The following ACOT11 variants were observed in gnomAD, a reference collection of about 807,000 sequenced individuals.
The protein encoded by ACOT11 is acyl-CoA thioesterase 11.
ACOT11 carries 69 observed loss-of-function variants against 77.5 expected under a neutral mutation model. That is an observed-to-expected ratio of 0.89 (90% confidence interval 0.73 to 1.09). The LOEUF (loss-of-function observed/expected upper bound fraction) is 1.09, where lower values mean the gene tolerates loss of function less well. Ranked by LOEUF, ACOT11 falls within the 50% of genes least tolerant of loss-of-function variation. The pLI, the probability that ACOT11 is intolerant of heterozygous loss-of-function variation, is 0.00. For synonymous variants in ACOT11, 279 were observed against 313.0 expected (o/e 0.89, Z 1.15); for missense variants, 766 against 813.7 (o/e 0.94, Z 0.71).
At chr1:54,557,795 T>C (rs1312714877) in intron 1 of ACOT11, among the ~76,000 whole-genome samples, 2 of 152,178 alleles carry the variant, frequency 1.3e-5, no homozygotes, top group Non-Finnish European at 2.9e-5. Flanking sequence ...GGGTTTTCTA[T>C]ATATAGGATT....
intron 12 of ACOT11, among the ~76,000 whole-genome samples, 193 bp downstream of exon 12, chr1:54,604,622 T>A (rs1424355600): frequency 4.6e-5 from 7 of 152,004 alleles, no homozygotes; most frequent in Non-Finnish European, 1.0e-4. Context: ...ACCCCTAGAT[T>A]CTTCTCTCCT....
Position 54,609,433 on chromosome 1 carries a change from G to A in ACOT11, c.*321G>A, listed in dbSNP as rs1453267903. On this transcript the variant is annotated 3_prime_UTR_variant, in exon 16 of 16. Coordinates refer to ENST00000343744, the MANE Select transcript of ACOT11 (RefSeq NM_147161.4). ...CCACTGTGACGGTGGCCCGGGGGGA[G>A]GATGCCAGCAGCCTGCCTATGGCTC... is the stretch of plus-strand genomic sequence containing the variant. 4 of 1,613,818 alleles carry A rather than the reference G, an allele frequency of 2.5e-6. No homozygotes were observed. The highest frequency in any genetic ancestry group is 3.4e-6 in the Non-Finnish European group (4 of 1,180,018).
Position 54,554,333 on chromosome 1 carries a change from G to GTA in ACOT11, c.33+6009_33+6010dup, listed in dbSNP as rs1553161035. 2.7e-4 allele frequency among the ~76,000 whole-genome samples: 26 copies of GTA among 96,388 alleles called. 1 individual carries two copies. Among genetic ancestry groups the GTA allele is most frequent in the Middle Eastern group, 6.6e-3 (1 of 152 alleles). The allele number at this position is 96,388 out of a possible 152,430, so 63.2% of individuals were successfully genotyped here. ...TGTGTGTGTGTGTGTGTGTGTGTGT[G>GTA]TATATATATATATATATATTTTTTT... On this transcript the variant is annotated intron_variant, in intron 1 of 15. Coordinates refer to ENST00000343744, the MANE Select transcript of ACOT11 (RefSeq NM_147161.4).
In ACOT11 at chr1:54,597,390, G is replaced by A; in HGVS notation, c.739G>A (p.Glu247Lys). The A allele has an allele frequency of 1.2e-6, 2 of 1,613,398 alleles. No individual in the cohort carries two copies. The highest frequency in any genetic ancestry group is 8.5e-7 in the Non-Finnish European group (1 of 1,179,770). Residue 247 changes from glutamate (E) to lysine (K), a missense_variant, in exon 7 of 16, where the codon GAG becomes AAG. Coordinates refer to ENST00000343744, the MANE Select transcript of ACOT11 (RefSeq NM_147161.4). Reference protein sequence around the residue: ...TFGGQIMAWMENVATIAASRL... With the variant: ...TFGGQIMAWMKNVATIAASRL... ...TGGGGGCCAGATCATGGCCTGGATG[G>A]AGAATGTGGCCACCATTGCAGCCAG... is the stretch of plus-strand genomic sequence containing the variant.
At position 54,601,267 on chromosome 1, in the gene ACOT11, A is replaced by G. The variant is rs750443838; in HGVS notation, c.885-2A>G. 1.2e-6 allele frequency: 2 copies of G among 1,609,870 alleles called. No homozygotes were observed. Among genetic ancestry groups the G allele is most frequent in the Admixed American group, 1.7e-5 (1 of 59,958 alleles). On this transcript the variant is annotated splice_acceptor_variant, in intron 8 of 15. Transcript: ENST00000343744. LOFTEE classifies it high-confidence loss of function. ...GTTGGAAGCCACACTCCCTCCCCTC[A>G]GCATGGAGGTGGGCGTGTGCGTGGA...
intron 9 of ACOT11, 115 bp from the exon 10 acceptor site, chr1:54,602,554 A>G: frequency 1.0e-6 from 1 of 1,004,546 alleles, no homozygotes; most frequent in African/African-American, 1.7e-5. Flanking sequence ...CAGCTGCCCC[A>G]GCGACACCTG....
chr1:54,614,880 GC>G (rs1330300527), downstream of ACOT11: 1 of 1,610,108 alleles, frequency 6.2e-7, no homozygotes, highest in East Asian at 2.2e-5. Context: ...AGGAACAAGG[GC>G]TTGGGGAAAT....
Position 54,576,554 on chromosome 1 carries a change from G to A in ACOT11, c.34-8101G>A, listed in dbSNP as rs1050075108. The stretch of plus-strand genomic sequence containing the variant: ...GTAAATATCTCAAAATAGAAACCTT[G>A]AGGTTTTTTTAATGTTAAAGATGTT... On this transcript the variant is annotated intron_variant, in intron 1 of 15. Coordinates refer to ENST00000343744, the MANE Select transcript of ACOT11 (RefSeq NM_147161.4). Among the ~76,000 whole-genome samples, 8 of 143,226 alleles carry A rather than the reference G, an allele frequency of 5.6e-5. 1 individual carries two copies. Among genetic ancestry groups the A allele is most frequent in the Admixed American group, 5.4e-4 (8 of 14,822 alleles). 94.0% of individuals were successfully genotyped at this position (143,226 alleles called of 152,430 possible). A position where few individuals can be genotyped will look rare whatever the true frequency, so the allele number is the denominator to read the frequency against.
At chr1:54,593,023 G>A (rs1253081098) in intron 4 of ACOT11, among the ~76,000 whole-genome samples, 5 of 152,294 alleles carry the variant, frequency 3.3e-5, no homozygotes, top group African/African-American at 1.2e-4. Flanking sequence ...CCCACAGCCC[G>A]TCTCCTCATC....
chr1:54,562,338 CG>C (rs1653544200), intron 1 of ACOT11, among the ~76,000 whole-genome samples: 1 of 96,682 alleles, frequency 1.0e-5, no homozygotes, highest in African/African-American at 5.2e-5. Context: ...ATCTCCCTCC[CG>C]GACGGGGTGG....
chr1:54,574,776 TG>T (rs1429762131), intron 1 of ACOT11, among the ~76,000 whole-genome samples: 1 of 152,176 alleles, frequency 6.6e-6, no homozygotes, highest in African/African-American at 2.4e-5. Flanking sequence ...TCCACATTTC[TG>T]TTTCCCAAAG....
chr1:54,590,316 T>C (rs532292380), intron 3 of ACOT11, among the ~76,000 whole-genome samples: 1 of 150,998 alleles, frequency 6.6e-6, no homozygotes, highest in Non-Finnish European at 1.5e-5. Context: ...TCGATGGGGG[T>C]CAGATTTGTT....
intron 2 of ACOT11, 104 bp from the exon 3 acceptor site, chr1:54,585,731 C>T: frequency 8.5e-7 from 1 of 1,180,524 alleles, no homozygotes; most frequent in Non-Finnish European, 1.2e-6. Flanking sequence ...GAGTTGTGGC[C>T]TTGGCTTGGG....
At chr1:54,612,778 AT>A (rs1644133509), downstream of ACOT11, 5 of 1,206,226 alleles carry the variant, frequency 4.1e-6, no homozygotes, top group Non-Finnish European at 6.1e-6. Context: ...CTGGGGTCTC[AT>A]CACAGTGCTA....
intron 1 of ACOT11, among the ~76,000 whole-genome samples, chr1:54,553,505 T>G (rs904289393): frequency 2.6e-5 from 4 of 151,974 alleles, no homozygotes; most frequent in Admixed American, 2.6e-4. Context: ...CAGGTAATAT[T>G]CTATGTTTTT....
chr1:54,609,307 G>A lies in ACOT11; in HGVS notation c.*195G>A, dbSNP rs766986695. ...CATGAGCCAGCAAGTCCTTGTGGTA[G>A]CCCTGGGGTAGCCTGTAGTAGACTC... On this transcript the variant is annotated 3_prime_UTR_variant, in exon 16 of 16. Coordinates refer to ENST00000343744, the MANE Select transcript of ACOT11 (RefSeq NM_147161.4). 4.3e-6 allele frequency: 7 copies of A among 1,611,406 alleles called. No individual in the cohort carries two copies. Among genetic ancestry groups the A allele is most frequent in the Non-Finnish European group, 1.7e-6 (2 of 1,178,034 alleles).
chr1:54,610,149 T>C lies in ACOT11; in HGVS notation c.*1037T>C. ...GAAACTCTTGTTTCAGCTCTTGGCC[T>C]TTACCCATGACTCAGCCTGGGGGCT... is the stretch of plus-strand genomic sequence containing the variant. On this transcript the variant is annotated 3_prime_UTR_variant, in exon 16 of 16. Transcript: ENST00000343744. 7.0e-7 allele frequency: 1 copy of C among 1,432,872 alleles called. No individual in the cohort carries two copies. 88.8% of individuals were successfully genotyped at this position (1,432,872 alleles called of 1,614,324 possible).
chr1:54,552,077 C>T (rs955884519), intron 1 of ACOT11, among the ~76,000 whole-genome samples: 1 of 152,160 alleles, frequency 6.6e-6, no homozygotes, highest in Non-Finnish European at 1.5e-5. Flanking sequence ...CCACGGTTCA[C>T]GGTGTGACCT....
intron 15 of ACOT11, among the ~76,000 whole-genome samples, chr1:54,626,130 C>T (rs962633157): frequency 1.3e-5 from 2 of 151,476 alleles, no homozygotes; most frequent in Non-Finnish European, 2.9e-5. Flanking sequence ...CATAGTGGCA[C>T]GAGCCTGTAA....
Sources: allele counts gnomAD v4.1 joint callset (sites outside exome capture counted in the v4.1 genomes callset), GRCh38; gene constraint gnomAD v4.1.1; transcripts MANE v1.5; gene names NCBI Gene and HGNC (gene_info 2026-07-23, HGNC 2026-07-21).